The following MBP variants were observed in gnomAD, a reference collection of about 807,000 sequenced individuals.
MBP encodes Golli-MBP.
MBP carries 16 observed loss-of-function variants against 35.8 expected under a neutral mutation model. The ratio of observed to expected loss-of-function variants is 0.45; its 90% CI spans 0.30 to 0.68. MBP has a LOEUF of 0.68. Ranked by LOEUF, MBP falls within the 30% of genes least tolerant of loss-of-function variation. The probability of loss-of-function intolerance (pLI) is 0.08; values close to 1 mark genes in which losing one functional copy is unlikely to be tolerated. For synonymous variants in MBP, 143 were observed against 159.6 expected, an observed-to-expected ratio of 0.90 and a Z score of 0.78; for missense variants, 380 against 404.7, an observed-to-expected ratio of 0.94 and a Z score of 0.52.
Position 76,988,797 on chromosome 18 carries a change from T to C in MBP, c.717+80A>G. The C allele has an allele frequency of 6.7e-7, 1 of 1,494,394 alleles. No homozygotes were observed. Among genetic ancestry groups the C allele is most frequent in the South Asian group, 1.2e-5 (1 of 80,808 alleles). The allele number at this position is 1,494,394 out of a possible 1,614,324, so 92.6% of individuals were successfully genotyped here. On this transcript the variant is annotated intron_variant, in intron 6 of 8. Transcript: ENST00000355994. The surrounding 1 kb of genome is among the most constrained non-coding windows in gnomAD (Gnocchi z 5.2). ...GGATTCTGGTAGCTCGGAGCCTAAC[T>C]CTCTCTTTGGTACATTATGGGATTT...
rs1365310065 is a variant in MBP, at chr18:77,057,977, C to A, written c.139+8321G>T. On this transcript the variant is annotated intron_variant, in intron 3 of 8. Transcript: ENST00000355994. ...GAGTAGCTGGGACTACAGGCGCCCG[C>A]CACTACGCCCGGCTAATTTTTTGTA... is the stretch of plus-strand genomic sequence containing the variant. Among the ~76,000 whole-genome samples, 2 of 65,328 alleles carry A rather than the reference C, an allele frequency of 3.1e-5. 1 individual carries two copies. Among genetic ancestry groups the A allele is most frequent in the Non-Finnish European group, 5.4e-5 (2 of 37,252 alleles). 42.9% of individuals were successfully genotyped at this position (65,328 alleles called of 152,430 possible). A position where few individuals can be genotyped will look rare whatever the true frequency, so the allele number is the denominator to read the frequency against.
At chr18:77,040,391 A>C (rs943430833) in intron 3 of MBP, among the ~76,000 whole-genome samples, 3 of 152,250 alleles carry the variant, frequency 2.0e-5, no homozygotes, top group African/African-American at 7.2e-5. Flanking sequence ...ATCCCCATCA[A>C]GCTACCAATG....
Position 76,986,598 on chromosome 18 carries a change from A to T in MBP, c.751-1704T>A, listed in dbSNP as rs887623750. 16 of 985,452 alleles carry T rather than the reference A, an allele frequency of 1.6e-5. No individual in the cohort carries two copies. The South Asian group carries it at 6.6e-4, about 40-fold the overall frequency. The allele number at this position is 985,452 out of a possible 1,614,324, so 61.0% of individuals were successfully genotyped here. On this transcript the variant is annotated intron_variant, in intron 7 of 8. Coordinates refer to ENST00000355994, the MANE Select transcript of MBP (RefSeq NM_001025101.2). ...GCTATCCAGTGAGGTGAGGGACGGGATGTGTGGCAAGAAGGTCTAAGCACT... is the reference window on the plus strand; with the variant it reads ...GCTATCCAGTGAGGTGAGGGACGGGTTGTGTGGCAAGAAGGTCTAAGCACT...
At chr18:77,033,512 G>T (rs1339207958) in intron 3 of MBP, among the ~76,000 whole-genome samples, 5 of 152,028 alleles carry the variant, frequency 3.3e-5, no homozygotes, top group Non-Finnish European at 7.4e-5. Context: ...GAAACACCTT[G>T]TGCACAGGAG....
At chr18:77,106,261 A>C (rs1197341622) in intron 1 of MBP, among the ~76,000 whole-genome samples, 2 of 152,140 alleles carry the variant, frequency 1.3e-5, no homozygotes, top group Non-Finnish European at 2.9e-5. Flanking sequence ...CACAATGCAA[A>C]TTGTGTTCCT....
chr18:77,096,658 C>T (rs546368631), intron 2 of MBP, among the ~76,000 whole-genome samples: 58 of 152,272 alleles, frequency 3.8e-4, no homozygotes, highest in African/African-American at 6.7e-4. Flanking sequence ...CCTGATATGA[C>T]GACCAGGGAA....
chr18:76,990,051 G>T lies in MBP; in HGVS notation c.586C>A (p.His196Asn). 1 of 1,611,754 alleles carries T rather than the reference G, an allele frequency of 6.2e-7. No individual in the cohort carries two copies. The highest frequency in any genetic ancestry group is 8.5e-7 in the Non-Finnish European group (1 of 1,179,020). The change falls in exon 5 of 9, where the codon CAC becomes AAC. Residue 196 changes from histidine to asparagine, a missense_variant. Coordinates refer to ENST00000355994, the MANE Select transcript of MBP (RefSeq NM_001025101.2). ...CCGTAGTGAGCAGTTCTTGCCGGGT[G>T]GTGTGAGTCCTGAAACACAGAGGCG... ...PKRGSGKDSH[H>N]PARTAHYGSL...
chr18:77,072,373 T>C (rs1974488126), intron 2 of MBP, among the ~76,000 whole-genome samples: 1 of 152,166 alleles, frequency 6.6e-6, no homozygotes, highest in Non-Finnish European at 1.5e-5. Context: ...CAGAAAATAG[T>C]TTGGGGGCAT....
intron 2 of MBP, among the ~76,000 whole-genome samples, chr18:77,084,329 T>C (rs769500813): frequency 5.7e-4 from 87 of 151,922 alleles, no homozygotes; most frequent in Middle Eastern, 6.8e-3. Context: ...AGGATTTTCA[T>C]GCATAAATAA....
At chr18:77,097,036 G>A (rs1038140090) in intron 2 of MBP, among the ~76,000 whole-genome samples, 2 of 152,206 alleles carry the variant, frequency 1.3e-5, no homozygotes, top group East Asian at 3.8e-4. Flanking sequence ...GGTGGGAAGT[G>A]GGGGAGCAGG....
At chr18:77,126,442 A>G (rs965420529) in intron 1 of MBP, among the ~76,000 whole-genome samples, 4 of 152,244 alleles carry the variant, frequency 2.6e-5, no homozygotes, top group Non-Finnish European at 5.9e-5. Flanking sequence ...CTACATCATA[A>G]TTGGTGGTAA....
At chr18:77,092,176 G>A (rs891982859) in intron 2 of MBP, among the ~76,000 whole-genome samples, 4 of 152,256 alleles carry the variant, frequency 2.6e-5, no homozygotes, top group Non-Finnish European at 4.4e-5. Flanking sequence ...ATTACACGGC[G>A]GCGTTTCCGA....
At chr18:76,985,572 G>C in intron 7 of MBP, 1 of 1,099,502 alleles carries the variant, frequency 9.1e-7, no homozygotes, top group Non-Finnish European at 1.1e-6. Context: ...GGGAGCAACA[G>C]GAGGCCGGGG....
intron 3 of MBP, among the ~76,000 whole-genome samples, chr18:77,029,083 G>A (rs1387147535): frequency 2.0e-5 from 2 of 100,144 alleles, no homozygotes; most frequent in African/African-American, 5.6e-5. Flanking sequence ...AGGTTGTAGC[G>A]AGCCGAGATC....
intron 2 of MBP, among the ~76,000 whole-genome samples, chr18:77,076,844 G>A (rs1456026754): frequency 6.6e-6 from 1 of 152,162 alleles, no homozygotes; most frequent in Non-Finnish European, 1.5e-5. Flanking sequence ...ACAGGGACCA[G>A]TGCTGAGAGC....
At chr18:77,111,319 A>C (rs1333714311) in intron 1 of MBP, among the ~76,000 whole-genome samples, 2 of 152,230 alleles carry the variant, frequency 1.3e-5, no homozygotes, top group African/African-American at 4.8e-5. Context: ...ACATCAGAAA[A>C]GGCTTCTCTG....
intron 4 of MBP, among the ~76,000 whole-genome samples, chr18:77,009,647 C>G (rs1376120119): frequency 1.3e-5 from 2 of 152,236 alleles, no homozygotes; most frequent in Non-Finnish European, 2.9e-5. Context: ...CTCCATGCCC[C>G]TCTTGGGCAT....
chr18:76,996,844 C>T (rs1970297889), intron 4 of MBP, among the ~76,000 whole-genome samples: 2 of 152,140 alleles, frequency 1.3e-5, no homozygotes. Flanking sequence ...AAAGCAAGCC[C>T]ATTTTGTTCA....
intron 3 of MBP, among the ~76,000 whole-genome samples, chr18:77,019,943 G>A (rs1421477788): frequency 6.6e-6 from 1 of 152,210 alleles, no homozygotes; most frequent in Non-Finnish European, 1.5e-5. Context: ...CTGGGAGGCA[G>A]GAGGGCCTGT....
Sources: allele counts gnomAD v4.1 joint callset (sites outside exome capture counted in the v4.1 genomes callset), GRCh38; gene constraint gnomAD v4.1.1; non-coding constraint Gnocchi (gnomAD v3.1); transcripts MANE v1.5; gene names NCBI Gene and HGNC (gene_info 2026-07-23, HGNC 2026-07-21).